Variants in TM9SF3 observed in about 807,000 individuals in gnomAD.
TM9SF3 encodes the protein SM-11044-binding protein.
TM9SF3 carries 14 observed loss-of-function variants against 78.6 expected under a neutral mutation model. The observed-to-expected ratio is 0.18, with a 90% CI of 0.12 to 0.28. The LOEUF (loss-of-function observed/expected upper bound fraction) is 0.28, where lower values mean the gene tolerates loss of function less well. Among genes scored for constraint, TM9SF3 ranks in the 10% least tolerant of loss-of-function variants. The probability of loss-of-function intolerance (pLI) is 1.00; values close to 1 mark genes in which losing one functional copy is unlikely to be tolerated. For missense variants in TM9SF3, 496 were observed against 721.9 expected (o/e 0.69, Z 3.59); for synonymous variants, 231 against 241.7 (o/e 0.96, Z 0.41).
At chr10:96,549,728 G>C (rs1475072775) in intron 7 of TM9SF3, among the ~76,000 whole-genome samples, 1 of 149,016 alleles carries the variant, frequency 6.7e-6, no homozygotes, top group Non-Finnish European at 1.5e-5. Context: ...AAATAACAAT[G>C]CATGACTTGC....
chr10:96,530,388 C>T, intron 11 of TM9SF3, 152 bp downstream of exon 11: 1 of 598,204 alleles, frequency 1.7e-6, no homozygotes, highest in East Asian at 3.1e-5. Context: ...CAGCCAACAG[C>T]TACCTTTATA....
At chr10:96,558,911 G>C (rs972973931) in intron 5 of TM9SF3, among the ~76,000 whole-genome samples, 1 of 152,158 alleles carries the variant, frequency 6.6e-6, no homozygotes, top group East Asian at 1.9e-4. Context: ...CTTATGCCTT[G>C]TCTTTTTATC....
intron 4 of TM9SF3, 141 bp from the exon 5 acceptor site, chr10:96,559,877 T>G (rs1271093507): frequency 6.9e-6 from 4 of 581,612 alleles, no homozygotes; most frequent in Middle Eastern, 4.5e-4. Flanking sequence ...ACTTACAACA[T>G]GAGAAGTGGA....
At chr10:96,557,842 G>T (rs1372244900) in intron 5 of TM9SF3, among the ~76,000 whole-genome samples, 1 of 152,032 alleles carries the variant, frequency 6.6e-6, no homozygotes, top group Non-Finnish European at 1.5e-5. Context: ...CCGACCCCTG[G>T]TACTCTTGTT....
At position 96,527,284 on chromosome 10, in the gene TM9SF3, T is replaced by C; in HGVS notation, c.1631A>G (p.Tyr544Cys). Residue 544 changes from tyrosine (Y) to cysteine (C), a missense_variant, in exon 14 of 15, where the codon TAT becomes TGT. This residue lies in a region of TM9SF3 where 280 missense variants were observed against 422.6 expected (regional missense o/e 0.66). Coordinates refer to ENST00000371142, the MANE Select transcript of TM9SF3 (RefSeq NM_020123.4). ...GTAAAATGATGTTTGAAATAAGCCA[T>C]ACATCCTGAAATAAAACAAAATATA... ...FYYYFFKTKMYGLFQTSFYFG... is the reference protein window; with the variant it reads ...FYYYFFKTKMCGLFQTSFYFG... The C allele has an allele frequency of 6.2e-6, 10 of 1,611,302 alleles. No homozygotes were observed. Among genetic ancestry groups the C allele is most frequent in the Non-Finnish European group, 8.5e-6 (10 of 1,178,284 alleles).
intron 11 of TM9SF3, among the ~76,000 whole-genome samples, chr10:96,529,877 G>A (rs1847877652): frequency 6.6e-6 from 1 of 152,166 alleles, no homozygotes; most frequent in South Asian, 2.1e-4. Flanking sequence ...GTGGACAGGA[G>A]CCAAGGGTGT....
chr10:96,535,396 T>C (rs907621066), intron 9 of TM9SF3, among the ~76,000 whole-genome samples: 8 of 152,204 alleles, frequency 5.3e-5, no homozygotes, highest in African/African-American at 9.6e-5. Context: ...ACTAAATAAA[T>C]TGGGTGCTGA....
rs770959614 is a variant in TM9SF3, at chr10:96,559,647, CTATT to C, written c.660+8_660+11del. ...CACATAATCAATGTCTTAAAATACA[CTATT>C]TACCTACCCGATGTTGAAAAAAGGA... On this transcript the variant is annotated splice_region_variant and intron_variant, in intron 5 of 14. Coordinates refer to ENST00000371142, the MANE Select transcript of TM9SF3 (RefSeq NM_020123.4). The C allele has an allele frequency of 2.8e-5, 44 of 1,569,032 alleles. No individual in the cohort carries two copies. Among genetic ancestry groups the C allele is most frequent in the Middle Eastern group, 3.4e-4 (2 of 5,928 alleles).
Position 96,521,662 on chromosome 10 carries a change from A to C in TM9SF3, c.*601T>G, listed in dbSNP as rs991842455. 1 of 152,222 alleles carries C rather than the reference A, an allele frequency of 6.6e-6. No individual in the cohort carries two copies. Among genetic ancestry groups the C allele is most frequent in the African/African-American group, 2.4e-5 (1 of 41,344 alleles). The allele number at this position is 152,222 out of a possible 1,614,324, so 9.4% of individuals were successfully genotyped here. On this transcript the variant is annotated 3_prime_UTR_variant, in exon 15 of 15. Transcript: ENST00000371142. Reference sequence around the variant, plus strand: ...GTCCAACTAAGATGACAGCAGATATATTACATGCAGGATTTAATATTTTCT... The same window carrying C: ...GTCCAACTAAGATGACAGCAGATATCTTACATGCAGGATTTAATATTTTCT...
chr10:96,532,312 T>C (rs1269599337), intron 10 of TM9SF3, among the ~76,000 whole-genome samples: 4 of 152,038 alleles, frequency 2.6e-5, no homozygotes, highest in Admixed American at 6.6e-5. Context: ...AAGAAAAGAA[T>C]ATGGCCAATT....
chr10:96,586,360 C>A (rs1219993874), intron 1 of TM9SF3, among the ~76,000 whole-genome samples: 1 of 152,170 alleles, frequency 6.6e-6, no homozygotes, highest in African/African-American at 2.4e-5. Context: ...CAGTCTCCTT[C>A]CCTGGGGGGC....
At chr10:96,539,367 AT>A (rs1009180950) in intron 9 of TM9SF3, among the ~76,000 whole-genome samples, 3 of 146,810 alleles carry the variant, frequency 2.0e-5, no homozygotes, top group Middle Eastern at 3.5e-3. Context: ...CAAAAAAAAA[AT>A]TTTTTTAATG....
At position 96,543,426 on chromosome 10, in the gene TM9SF3, C is replaced by T. The variant is rs562183375; in HGVS notation, c.1185+650G>A. On this transcript the variant is annotated intron_variant, in intron 9 of 14. Coordinates refer to ENST00000371142, the MANE Select transcript of TM9SF3 (RefSeq NM_020123.4). Reference sequence around the variant, plus strand: ...CTCGGCTCACTGCAACCTCCACCTCCCAGGTTCATGCCATTCTCCTGCCTC... The same window carrying T: ...CTCGGCTCACTGCAACCTCCACCTCTCAGGTTCATGCCATTCTCCTGCCTC... Among the ~76,000 whole-genome samples, 1,113 of 150,926 alleles carry T rather than the reference C, an allele frequency of 7.4e-3. 8 individuals carry two copies. Among genetic ancestry groups the T allele is most frequent in the Non-Finnish European group, 0.013 (850 of 67,758 alleles).
At chr10:96,578,631 T>C (rs1221440588) in intron 1 of TM9SF3, among the ~76,000 whole-genome samples, 1 of 152,230 alleles carries the variant, frequency 6.6e-6, no homozygotes, top group East Asian at 1.9e-4. Context: ...AATATATGTA[T>C]GCCCCCACTC....
At chr10:96,580,414 C>G (rs555455840) in intron 1 of TM9SF3, among the ~76,000 whole-genome samples, 26 of 152,190 alleles carry the variant, frequency 1.7e-4, no homozygotes, top group African/African-American at 6.3e-4. Flanking sequence ...TACAGGCGCC[C>G]ACCACCACAC....
chr10:96,541,021 C>A (rs1478069558), intron 9 of TM9SF3, among the ~76,000 whole-genome samples: 2 of 152,038 alleles, frequency 1.3e-5, no homozygotes, highest in East Asian at 3.9e-4. Context: ...ACCTCAGCCT[C>A]CCGAAGTGCT....
chr10:96,562,938 T>G (rs7082873), intron 3 of TM9SF3, among the ~76,000 whole-genome samples: 31,333 of 152,126 alleles, frequency 0.21, 3,594 homozygotes, highest in Admixed American at 0.31. Flanking sequence ...CCCCCTACGC[T>G]TTAGTAAGTA....
intron 9 of TM9SF3, among the ~76,000 whole-genome samples, chr10:96,535,012 A>G (rs796586761): frequency 6.6e-5 from 10 of 152,336 alleles, no homozygotes; most frequent in African/African-American, 2.2e-4. Flanking sequence ...TTCACTAAAA[A>G]TTGTATAAGC....
intron 1 of TM9SF3, among the ~76,000 whole-genome samples, chr10:96,579,248 G>A (rs1442235773): frequency 1.3e-5 from 2 of 152,182 alleles, no homozygotes; most frequent in Non-Finnish European, 2.9e-5. Context: ...AGAAAAATAA[G>A]GGGAGGTAAC....
Sources: allele counts gnomAD v4.1 joint callset (sites outside exome capture counted in the v4.1 genomes callset), GRCh38; gene constraint gnomAD v4.1.1; regional missense constraint gnomAD v4.1.1; transcripts MANE v1.5; gene names NCBI Gene and HGNC (gene_info 2026-07-23, HGNC 2026-07-21).